TENM1: variants seen among roughly 807,000 people sequenced by gnomAD.
TENM1 encodes the protein teneurin transmembrane protein 1, also known as teneurin-1.
In TENM1, 35 loss-of-function variants were observed where a neutral mutation model predicts 174.8. That is an observed-to-expected ratio of 0.20 (90% CI 0.15 to 0.27). The LOEUF is 0.27. Among genes scored for constraint, TENM1 ranks in the 10% least tolerant of loss-of-function variants. The probability of loss-of-function intolerance (pLI) is 1.00; values close to 1 mark genes in which losing one functional copy is unlikely to be tolerated. For synonymous variants in TENM1, 781 were observed against 798.7 expected, an observed-to-expected ratio of 0.98 and a Z score of 0.37; for missense variants, 1,633 against 2,130.1, an observed-to-expected ratio of 0.77 and a Z score of 4.59.
chrX:124,926,673 A>G (rs1195789237), intron 1 of TENM1, among the ~76,000 whole-genome samples: 4 of 111,880 alleles, frequency 3.6e-5, no homozygotes, highest in African/African-American at 1.3e-4. Context: ...ATTTTAGTAC[A>G]CTGACTCCTT....
chrX:124,877,313 T>C (rs1007249297), intron 3 of TENM1, among the ~76,000 whole-genome samples: 11 of 112,333 alleles, frequency 9.8e-5, no homozygotes, highest in Admixed American at 3.8e-4. Flanking sequence ...TTGTAATTTT[T>C]TGGCTGCAGT....
At chrX:124,535,484 G>C (rs1032526109) in intron 15 of TENM1, among the ~76,000 whole-genome samples, 35 of 111,372 alleles carry the variant, frequency 3.1e-4, no homozygotes, top group African/African-American at 1.1e-3. Flanking sequence ...TGACAAAAGG[G>C]GTGGCTGTAC....
chrX:125,200,264 G>C, the TENM1 span, among the ~76,000 whole-genome samples: 1 of 111,794 alleles, frequency 8.9e-6, no homozygotes, highest in African/African-American at 3.2e-5. Context: ...ATTCAAAGTA[G>C]TGATTTAATC....
intron 3 of TENM1, among the ~76,000 whole-genome samples, chrX:124,749,469 T>A (rs2054011959): frequency 8.9e-6 from 1 of 111,985 alleles, no homozygotes. Flanking sequence ...TTCATCTGCA[T>A]CTTTCAAAGA....
chrX:125,050,153 T>TTTATTA, the TENM1 span, among the ~76,000 whole-genome samples: 858 of 107,373 alleles, frequency 8.0e-3, 16 homozygotes, highest in African/African-American at 0.028. Context: ...ATAGAATCTT[T>TTTATTA]TTATTATTAT....
chrX:124,685,448 G>T (rs1001469687), intron 5 of TENM1, among the ~76,000 whole-genome samples: 1 of 110,918 alleles, frequency 9.0e-6, no homozygotes. Flanking sequence ...TGAAGCAAAA[G>T]AAAGAATCAA....
At chrX:124,878,780 C>A (rs188933400) in intron 3 of TENM1, among the ~76,000 whole-genome samples, 1 of 111,438 alleles carries the variant, frequency 9.0e-6, no homozygotes, top group Non-Finnish European at 1.9e-5. Flanking sequence ...TTAGATGGGG[C>A]TAGTGTCCTA....
the TENM1 span, among the ~76,000 whole-genome samples, chrX:125,024,699 T>C: frequency 1.8e-5 from 2 of 111,380 alleles, no homozygotes; most frequent in Non-Finnish European, 3.8e-5. Context: ...GACTTTACCA[T>C]TAAACAATAT....
the TENM1 span, among the ~76,000 whole-genome samples, chrX:125,160,252 G>A: frequency 2.8e-5 from 3 of 106,556 alleles, no homozygotes; most frequent in African/African-American, 1.0e-4. Context: ...AGCTAGGCAT[G>A]GTGGCTCATG....
chrX:124,898,180 C>T (rs1389226623), intron 1 of TENM1, among the ~76,000 whole-genome samples: 1 of 111,343 alleles, frequency 9.0e-6, no homozygotes, highest in Non-Finnish European at 1.9e-5. Flanking sequence ...TCCGTGCCTT[C>T]CAATTTAAGT....
At chrX:124,575,857 A>C (rs188498338) in intron 11 of TENM1, among the ~76,000 whole-genome samples, 158 of 111,970 alleles carry the variant, frequency 1.4e-3, no homozygotes, top group Non-Finnish European at 5.3e-4. Flanking sequence ...AGCTCAAACT[A>C]TTGAAGATGA....
intron 1 of TENM1, among the ~76,000 whole-genome samples, chrX:124,937,437 T>C (rs190896485): frequency 1.0e-3 from 112 of 111,919 alleles, no homozygotes; most frequent in Non-Finnish European, 1.6e-3. Context: ...AATAAATAGA[T>C]GATGCTCATC....
intron 11 of TENM1, among the ~76,000 whole-genome samples, chrX:124,623,571 T>G (rs2050571142): frequency 9.0e-6 from 1 of 111,369 alleles, no homozygotes; most frequent in South Asian, 3.8e-4. Context: ...CCCAACTGTA[T>G]CTATAATACA....
intron 3 of TENM1, among the ~76,000 whole-genome samples, chrX:124,862,379 C>A (rs1269846229): frequency 9.0e-6 from 1 of 111,672 alleles, no homozygotes; most frequent in African/African-American, 3.3e-5. Flanking sequence ...AAAAAACAGT[C>A]CTGAATTACC....
chrX:124,927,060 T>A (rs1237104878), intron 1 of TENM1, among the ~76,000 whole-genome samples: 1 of 112,056 alleles, frequency 8.9e-6, no homozygotes, highest in African/African-American at 3.2e-5. Context: ...ATCTGGCATA[T>A]TATACTTAAA....
At chrX:124,388,094 C>T (rs930608841) in intron 28 of TENM1, among the ~76,000 whole-genome samples, 1 of 112,040 alleles carries the variant, frequency 8.9e-6, no homozygotes, top group African/African-American at 3.2e-5. Context: ...CTGAAAGTCA[C>T]ATTTCTCAGT....
chrX:124,499,732 G>A (rs1367024009), intron 19 of TENM1, among the ~76,000 whole-genome samples: 1 of 111,747 alleles, frequency 8.9e-6, no homozygotes, highest in African/African-American at 3.2e-5. Flanking sequence ...TGGAATGACA[G>A]TTGCACAACA....
chrX:124,841,942 A>G (rs966247502), intron 3 of TENM1, among the ~76,000 whole-genome samples: 3 of 112,356 alleles, frequency 2.7e-5, no homozygotes, highest in African/African-American at 9.7e-5. Flanking sequence ...TGGTTTTTCA[A>G]TAGCAAGTTA....
intron 1 of TENM1, among the ~76,000 whole-genome samples, chrX:124,915,413 TA>T: frequency 1.8e-5 from 2 of 111,006 alleles, no homozygotes; most frequent in Middle Eastern, 4.7e-3. Flanking sequence ...TAATCCCAGC[TA>T]CCCGGGAGGC....
Sources: allele counts gnomAD v4.1 joint callset (sites outside exome capture counted in the v4.1 genomes callset), GRCh38; gene constraint gnomAD v4.1.1; transcripts MANE v1.5; gene names NCBI Gene and HGNC (gene_info 2026-07-23, HGNC 2026-07-21).